Variants in PLD2 observed in about 807,000 individuals in gnomAD.
PLD2 encodes the protein choline phosphatase 2.
A neutral mutation model predicts 119.8 loss-of-function variants in PLD2; 101 were observed. That is an observed-to-expected ratio of 0.84 (90% confidence interval 0.72 to 0.99). The LOEUF is 0.99. Ranked by LOEUF, PLD2 falls within the 50% of genes least tolerant of loss-of-function variation. The pLI, the probability that PLD2 is intolerant of heterozygous loss-of-function variation, is 0.00. For missense variants in PLD2, 1,164 were observed against 1,226.8 expected (o/e 0.95, Z 0.76); for synonymous variants, 494 against 482.8 (o/e 1.02, Z -0.30).
Position 4,809,722 on chromosome 17 carries a change from C to A in PLD2, c.646C>A (p.His216Asn). The change falls in exon 8 of 25, where the codon CAC becomes AAC. Residue 216 changes from histidine to asparagine, a missense_variant. By Grantham distance (68) the His-to-Asn change is moderately conservative. Transcript: ENST00000263088. ...GATGATCCGGAAGCGCTCAGGTGGC[C>A]ACCGTGTTCCTGGCCTCACCTGCTG... ...EGMIRKRSGGHRVPGLTCCGR... is the reference protein window; with the variant it reads ...EGMIRKRSGGNRVPGLTCCGR... 1 of 1,614,192 alleles carries A rather than the reference C, an allele frequency of 6.2e-7. No homozygotes were observed. Among genetic ancestry groups the A allele is most frequent in the Admixed American group, 1.7e-5 (1 of 60,020 alleles).
chr17:4,813,727 C>T (rs1485248355), intron 10 of PLD2, among the ~76,000 whole-genome samples: 3 of 152,040 alleles, frequency 2.0e-5, no homozygotes, highest in Non-Finnish European at 2.9e-5. Flanking sequence ...GGCGTGGTGG[C>T]GGGCGCCTGT....
chr17:4,816,194 C>T (rs1033940916), intron 14 of PLD2, among the ~76,000 whole-genome samples: 2 of 151,996 alleles, frequency 1.3e-5, no homozygotes, highest in East Asian at 1.9e-4. Flanking sequence ...CCAGCCTGAC[C>T]GACATGGTGA....
Position 4,807,822 on chromosome 17 carries a change from C to G in PLD2, c.50C>G (p.Ser17Cys), listed in dbSNP as rs750921799. 4.3e-6 allele frequency: 7 copies of G among 1,612,924 alleles called. No homozygotes were observed. Among genetic ancestry groups the G allele is most frequent in the Non-Finnish European group, 5.1e-6 (6 of 1,179,712 alleles). The change falls in exon 2 of 25, where the codon TCC (serine) becomes TGC (cysteine). Residue 17 changes from serine to cysteine, a missense_variant. By Grantham distance (112) the Ser-to-Cys change is moderately radical (BLOSUM62 -1). Transcript: ENST00000263088. The surrounding 1 kb of genome is among the most constrained non-coding windows in gnomAD (Gnocchi z 5.4). ...TTCCCCACTGGGGACGAACTGGACT[C>G]CAGCCAGCTCCAGATGGAGTCCGAT... ...SLFPTGDELD[S>C]SQLQMESDEV...
Position 4,814,621 on chromosome 17 carries a change from C to G in PLD2, c.1095-12C>G. The G allele has an allele frequency of 6.2e-7, 1 of 1,614,006 alleles. No individual in the cohort carries two copies. Among genetic ancestry groups the G allele is most frequent in the Middle Eastern group, 1.6e-4 (1 of 6,062 alleles). On this transcript the variant is annotated splice_polypyrimidine_tract_variant and intron_variant, in intron 11 of 24. Transcript: ENST00000263088. ...GCTTCGTTTGCCCCTAATCCACTGC[C>G]CTGAATCCCAGGTTGAGTCCTGAGG... is the stretch of plus-strand genomic sequence containing the variant.
rs144973863 is a variant in PLD2 at position 4,810,506 on chromosome 17, G to A, written c.861-296G>A. The stretch of plus-strand genomic sequence containing the variant: ...CTAAAAATACAAAAATTAGCCGGGC[G>A]TGGTGGTGCGTGCCTGTAATCCCAG... On this transcript the variant is annotated intron_variant, in intron 9 of 24. Coordinates refer to ENST00000263088, the MANE Select transcript of PLD2 (RefSeq NM_002663.5). Among the ~76,000 whole-genome samples the A allele has an allele frequency of 2.4e-3, 372 of 152,194 alleles. 2 individuals carry two copies. Among genetic ancestry groups the A allele is most frequent in the African/African-American group, 7.6e-3 (314 of 41,534 alleles).
rs1906169151 is a variant in PLD2, at chr17:4,809,155, C to T, written c.439C>T (p.Leu147=). The T allele has an allele frequency of 1.2e-6, 2 of 1,614,098 alleles. No individual in the cohort carries two copies. The highest frequency in any genetic ancestry group is 1.7e-6 in the Non-Finnish European group (2 of 1,180,040). Residue 147 remains leucine, a synonymous_variant, in exon 5 of 25, where the codon CTA becomes TTA. Coordinates refer to ENST00000263088, the MANE Select transcript of PLD2 (RefSeq NM_002663.5). ...RDAGNREMPS[L]PRAGPEGSTR... ...TGCAGGCAACAGAGAGATGCCCTCT[C>T]TACCCCGGGCAGGTCCTGAGGGCTC...
rs1026493360 is a variant in PLD2, at chr17:4,807,378, C to G, written c.-2+153C>G. Among the ~76,000 whole-genome samples, 2 of 152,048 alleles carry G rather than the reference C, an allele frequency of 1.3e-5. No homozygotes were observed. The highest frequency in any genetic ancestry group is 4.8e-5 in the African/African-American group (2 of 41,430). On this transcript the variant is annotated intron_variant, in intron 1 of 24. Transcript: ENST00000263088. This position sits in a 1 kb window ranked among gnomAD's most constrained non-coding sequence, Gnocchi z 5.4. The stretch of plus-strand genomic sequence containing the variant: ...CTGGGATCGCGTAACTTCCTCATTC[C>G]CGCCTGGACCCCTGCCCCCGGCCCG...
intron 14 of PLD2, among the ~76,000 whole-genome samples, chr17:4,816,382 CAAA>C (rs113078659): frequency 5.4e-5 from 7 of 129,462 alleles, no homozygotes; most frequent in Admixed American, 1.6e-4. Context: ...GACTCTGTCT[CAAA>C]AAAAAAAAAA....
intron 14 of PLD2, 98 bp from the exon 15 acceptor site, chr17:4,816,522 G>A (rs562900259): frequency 1.8e-5 from 22 of 1,254,468 alleles, no homozygotes; most frequent in East Asian, 1.6e-4. Context: ...TCTTCCTCTC[G>A]GTCTCTCTCA....
In PLD2 at chr17:4,819,598, G is replaced by T. The variant is rs1372854783; in HGVS notation, c.2462+16G>T. ...ACTGCTTCGGGTAGAGCTGGGGCGG[G>T]ATGCCACAGGGTGGGAGGGAGATGG... On this transcript the variant is annotated intron_variant, in intron 23 of 24. Coordinates refer to ENST00000263088, the MANE Select transcript of PLD2 (RefSeq NM_002663.5). This position sits in a 1 kb window ranked among gnomAD's most constrained non-coding sequence, Gnocchi z 4.2. The T allele has an allele frequency of 3.1e-6, 5 of 1,596,360 alleles. No individual in the cohort carries two copies. Among genetic ancestry groups the T allele is most frequent in the Non-Finnish European group, 4.3e-6 (5 of 1,169,796 alleles).
chr17:4,807,664 C>G lies in PLD2; in HGVS notation c.-1-108C>G. 4 of 679,330 alleles carry G rather than the reference C, an allele frequency of 5.9e-6. No individual in the cohort carries two copies. In the South Asian group the frequency reaches 6.8e-5, roughly 12 times the overall value. 42.1% of individuals were successfully genotyped at this position (679,330 alleles called of 1,614,324 possible). On this transcript the variant is annotated intron_variant, in intron 1 of 24. Transcript: ENST00000263088. This position sits in a 1 kb window ranked among gnomAD's most constrained non-coding sequence, Gnocchi z 5.4. ...CGTCATCCGCGGGCGGTCAGGAGGC[C>G]GTGGGGGAAGAGGAGGATCTGGAAG... is the stretch of plus-strand genomic sequence containing the variant.
At chr17:4,818,420 G>T (rs893934057) in intron 19 of PLD2, 35 bp downstream of exon 19, 2 of 1,610,468 alleles carry the variant, frequency 1.2e-6, no homozygotes, top group Admixed American at 3.3e-5. Context: ...GGGACTGTGG[G>T]TGTGGTTTGA....
At position 4,815,846 on chromosome 17, in the gene PLD2, G is replaced by T; in HGVS notation, c.1367G>T (p.Gly456Val). The T allele has an allele frequency of 6.2e-7, 1 of 1,614,092 alleles. No homozygotes were observed. Among genetic ancestry groups the T allele is most frequent in the Non-Finnish European group, 8.5e-7 (1 of 1,180,004 alleles). Residue 456 changes from glycine (G) to valine (V), a missense_variant, in exon 14 of 25, where the codon GGG becomes GTG. By Grantham distance (109) the Gly-to-Val change is moderately radical (BLOSUM62 -3). Transcript: ENST00000263088. ...GTGGACCAAGTGGTAGCATTCCTGGGGGGACTGGACCTTGCCTATGGCCGC... is the reference window on the plus strand; with the variant it reads ...GTGGACCAAGTGGTAGCATTCCTGGTGGGACTGGACCTTGCCTATGGCCGC... ...LVVDQVVAFLGGLDLAYGRWD... is the reference protein window; with the variant it reads ...LVVDQVVAFLVGLDLAYGRWD...
intron 23 of PLD2, among the ~76,000 whole-genome samples, chr17:4,821,343 T>C (rs936042542): frequency 5.9e-5 from 9 of 152,206 alleles, no homozygotes; most frequent in Non-Finnish European, 1.0e-4. Flanking sequence ...CAGAACTCTG[T>C]TGGCTTCTTT....
intron 17 of PLD2, 74 bp from the exon 18 acceptor site, chr17:4,817,928 A>C (rs1245192142): frequency 2.0e-6 from 2 of 1,019,620 alleles, no homozygotes; most frequent in African/African-American, 1.6e-5. Context: ...ACTGCACTCC[A>C]GCCTAGGCAA....
intron 14 of PLD2, 81 bp from the exon 15 acceptor site, chr17:4,816,539 C>A: frequency 7.1e-7 from 1 of 1,405,834 alleles, no homozygotes; most frequent in Non-Finnish European, 1.0e-6. Flanking sequence ...CTCACTCTTT[C>A]AGTGCTCCTC....
Position 4,809,965 on chromosome 17 carries a change from G to T in PLD2, c.796G>T (p.Glu266Ter), listed in dbSNP as rs763651895. 6.2e-7 allele frequency: 1 copy of T among 1,614,144 alleles called. No homozygotes were observed. Among genetic ancestry groups the T allele is most frequent in the Admixed American group, 1.7e-5 (1 of 60,016 alleles). Residue 266 changes from glutamate to a stop codon, truncating the protein, a stop_gained, in exon 9 of 25, where the codon GAG becomes TAG. Coordinates refer to ENST00000263088, the MANE Select transcript of PLD2 (RefSeq NM_002663.5). LOFTEE classifies it high-confidence loss of function. ...TGTTCAGCTCTTTGACCCTGGCTTT[G>T]AGGTGCAAGTGGGGAAAAGGAGCAC... ...SFVQLFDPGF[E>*]VQVGKRSTEA...
chr17:4,815,938 A>C lies in PLD2; in HGVS notation c.1455+4A>C. On this transcript the variant is annotated splice_donor_region_variant and intron_variant, in intron 14 of 24. Transcript: ENST00000263088. ...CTCTGAATCAGCTGCCTCCCAGGTA[A>C]TCCCCCTGAGGCCTTCCTGAGCACC... The C allele has an allele frequency of 6.2e-7, 1 of 1,606,902 alleles. No individual in the cohort carries two copies. Among genetic ancestry groups the C allele is most frequent in the Non-Finnish European group, 8.5e-7 (1 of 1,173,628 alleles).
At chr17:4,815,657 C>T in intron 13 of PLD2, 71 bp downstream of exon 13, 1 of 1,588,212 alleles carries the variant, frequency 6.3e-7, no homozygotes, top group Non-Finnish European at 8.6e-7. Context: ...CCCCAGCGCT[C>T]CCGCTCCCTG....
Sources: gnomAD v4.1 joint callset for allele counts (sites outside exome capture counted in the v4.1 genomes callset) on GRCh38, gnomAD v4.1.1 for gene constraint, Gnocchi (gnomAD v3.1) non-coding constraint, MANE v1.5 for transcripts, NCBI Gene and HGNC (gene_info 2026-07-23, HGNC 2026-07-21) for gene names.